Variants in TMX2 observed in about 807,000 individuals in gnomAD.
TMX2 encodes the protein thioredoxin related transmembrane protein 2.
TMX2 carries 20 observed loss-of-function variants against 33.4 expected under a neutral mutation model. That is an observed-to-expected ratio of 0.60 (90% CI 0.42 to 0.87). The LOEUF (loss-of-function observed/expected upper bound fraction) is 0.87. Among genes scored for constraint, TMX2 ranks in the 40% least tolerant of loss-of-function variants. The probability of loss-of-function intolerance (pLI) is 0.00; values close to 1 mark genes in which losing one functional copy is unlikely to be tolerated. For synonymous variants in TMX2, 166 were observed against 140.7 expected, an observed-to-expected ratio of 1.18 and a Z score of -1.27; for missense variants, 340 against 370.7, an observed-to-expected ratio of 0.92 and a Z score of 0.68.
At chr11:57,729,030 T>C (rs1008552437) in intron 1 of TMX2, among the ~76,000 whole-genome samples, 4 of 152,040 alleles carry the variant, frequency 2.6e-5, no homozygotes, top group African/African-American at 9.7e-5. Flanking sequence ...GTGGTGACAC[T>C]GTGGAGTCCT....
At chr11:57,730,463 A>ATGG (rs1169230591) in intron 1 of TMX2, among the ~76,000 whole-genome samples, 1 of 123,462 alleles carries the variant, frequency 8.1e-6, no homozygotes, top group Non-Finnish European at 1.6e-5. Context: ...AAGGCCAGGC[A>ATGG]TGGTGGCTCA....
chr11:57,717,161 C>T lies in TMX2; in HGVS notation c.189+4354C>T, dbSNP rs1025299698. Among the ~76,000 whole-genome samples the T allele has an allele frequency of 6.6e-5, 10 of 151,774 alleles. No homozygotes were observed. The South Asian group carries it at 1.0e-3, about 16-fold the overall frequency. Reference sequence around the variant, plus strand: ...AGATGGGATGGCTGCTGGGAAGAGGCGCTCCTCACTTCCTAGATGGGATGG... The same window carrying T: ...AGATGGGATGGCTGCTGGGAAGAGGTGCTCCTCACTTCCTAGATGGGATGG... On this transcript the variant is annotated intron_variant, in intron 1 of 7. Transcript: ENST00000278422.
At chr11:57,720,566 A>G (rs779302229) in intron 1 of TMX2, among the ~76,000 whole-genome samples, 1 of 152,148 alleles carries the variant, frequency 6.6e-6, no homozygotes, top group African/African-American at 2.4e-5. Context: ...ACACACGGCT[A>G]ATTTTTGTAT....
intron 1 of TMX2, among the ~76,000 whole-genome samples, chr11:57,730,760 C>T (rs2847308): frequency 0.68 from 103,717 of 151,956 alleles, 35,654 homozygotes; most frequent in East Asian, 0.89. Flanking sequence ...AAACCAAGAA[C>T]CTTGTAGAGT....
intron 1 of TMX2, among the ~76,000 whole-genome samples, chr11:57,729,498 A>G (rs945737594): frequency 6.6e-5 from 10 of 152,160 alleles, no homozygotes; most frequent in African/African-American, 2.2e-4. Flanking sequence ...ATAGACTTAT[A>G]TAATTTTACG....
At chr11:57,732,708 T>C (rs1010487584) in intron 1 of TMX2, among the ~76,000 whole-genome samples, 10 of 152,204 alleles carry the variant, frequency 6.6e-5, no homozygotes, top group Non-Finnish European at 1.2e-4. Context: ...AGCTTCTAGA[T>C]AGCTAAACAC....
Position 57,738,254 on chromosome 11 carries a change from T to A in TMX2, c.365-100T>A. 3.4e-6 allele frequency: 3 copies of A among 883,268 alleles called. No individual in the cohort carries two copies. The Admixed American group carries it at 5.9e-5, about 17-fold the overall frequency. The allele number at this position is 883,268 out of a possible 1,614,324, so 54.7% of individuals were successfully genotyped here. On this transcript the variant is annotated intron_variant, in intron 3 of 7. Coordinates refer to ENST00000278422, the MANE Select transcript of TMX2 (RefSeq NM_015959.4). The stretch of plus-strand genomic sequence containing the variant: ...TTGGTGGTCTACATATATCCACAAG[T>A]GTGTATTATTTGGGGGCTGAAATCC...
At position 57,718,492 on chromosome 11, in the gene TMX2, A is replaced by T. The variant is rs1379753082; in HGVS notation, c.189+5685A>T. 3.5e-6 allele frequency: 3 copies of T among 856,298 alleles called. No individual in the cohort carries two copies. In the African/African-American group the frequency reaches 5.0e-5, roughly 14 times the overall value. The allele number at this position is 856,298 out of a possible 1,614,324, so 53.0% of individuals were successfully genotyped here. A position where few individuals can be genotyped will look rare whatever the true frequency, so the allele number is the denominator to read the frequency against. ...CGAAGGAGATGCGGCCCAGGGGCTC[A>T]CCATCCACGGTGATGTCAAAGAACA... On this transcript the variant is annotated intron_variant, in intron 1 of 7. Transcript: ENST00000278422.
At chr11:57,722,313 AT>A (rs1947689115) in intron 1 of TMX2, among the ~76,000 whole-genome samples, 1 of 152,084 alleles carries the variant, frequency 6.6e-6, no homozygotes, top group African/African-American at 2.4e-5. Context: ...CAGTGAAGGA[AT>A]TTTTTTAAAA....
In TMX2 at chr11:57,712,597, A is replaced by G. The variant is rs201717980; in HGVS notation, c.-22A>G. ...GGCGAGACCTACGACGCCGGCGAGC[A>G]GTGGCCGTTACGGCCGAAAAGATGG... On this transcript the variant is annotated 5_prime_UTR_variant, in exon 1 of 8. Transcript: ENST00000278422. The G allele has an allele frequency of 6.9e-4, 1,092 of 1,588,312 alleles. 10 individuals are homozygous for G. In the African/African-American group the frequency reaches 0.012, roughly 18 times the overall value.
chr11:57,731,125 GTTTTTTTTTT>G (rs757832822), intron 1 of TMX2, among the ~76,000 whole-genome samples: 20 of 85,860 alleles, frequency 2.3e-4, no homozygotes, highest in African/African-American at 7.7e-4. Context: ...TTTGTTTTTT[GTTTTTTTTTT>G]TTTTTTTTTT....
intron 1 of TMX2, among the ~76,000 whole-genome samples, chr11:57,713,929 A>G (rs1946804923): frequency 4.6e-5 from 7 of 152,246 alleles, no homozygotes; most frequent in Admixed American, 4.6e-4. Flanking sequence ...CTTGTACTGA[A>G]GTAAGTTAAT....
chr11:57,737,846 A>AG, intron 2 of TMX2, 67 bp from the exon 3 acceptor site: 1 of 1,614,084 alleles, frequency 6.2e-7, no homozygotes, highest in Non-Finnish European at 8.5e-7. Flanking sequence ...TGCCCCATGA[A>AG]GAGGGACAAA....
At chr11:57,720,683 C>T (rs938609942) in intron 1 of TMX2, among the ~76,000 whole-genome samples, 1 of 152,246 alleles carries the variant, frequency 6.6e-6, no homozygotes, top group Non-Finnish European at 1.5e-5. Context: ...CAGGCGTGAG[C>T]CATCGTGCCT....
intron 1 of TMX2, among the ~76,000 whole-genome samples, chr11:57,728,153 T>A (rs534995549): frequency 6.6e-6 from 1 of 150,548 alleles, no homozygotes; most frequent in African/African-American, 2.4e-5. Flanking sequence ...CTGAAAATAT[T>A]TTACAGAGTT....
intron 1 of TMX2, among the ~76,000 whole-genome samples, chr11:57,720,783 C>T (rs768518623): frequency 2.0e-4 from 30 of 152,184 alleles, no homozygotes; most frequent in African/African-American, 7.0e-4. Context: ...TACAAGGAAT[C>T]GAACCCACGC....
chr11:57,722,911 G>C (rs993346421), intron 1 of TMX2, among the ~76,000 whole-genome samples: 1 of 151,200 alleles, frequency 6.6e-6, no homozygotes, highest in Non-Finnish European at 1.5e-5. Flanking sequence ...TCAGGAGTTC[G>C]GGACCAGCCT....
intron 1 of TMX2, among the ~76,000 whole-genome samples, chr11:57,714,568 C>T (rs1378687819): frequency 6.6e-6 from 1 of 151,484 alleles, no homozygotes; most frequent in East Asian, 1.9e-4. Context: ...GCTGGTAAGG[C>T]CTTAGGAAAA....
intron 1 of TMX2, among the ~76,000 whole-genome samples, chr11:57,716,797 G>A: frequency 7.0e-6 from 1 of 142,676 alleles, no homozygotes; most frequent in African/African-American, 2.6e-5. Context: ...CTGGGCAGAG[G>A]CGCCCCTCAC....
Sources: gnomAD v4.1 joint callset for allele counts (sites outside exome capture counted in the v4.1 genomes callset) on GRCh38, gnomAD v4.1.1 for gene constraint, MANE v1.5 for transcripts, NCBI Gene and HGNC (gene_info 2026-07-23, HGNC 2026-07-21) for gene names.